The following CELF5 variants were observed in gnomAD, a reference collection of about 807,000 sequenced individuals.
CELF5 encodes the protein CUGBP Elav-like family member 5.
Under a neutral mutation model 54.9 loss-of-function variants are expected in CELF5, and 6 were observed. That is an observed-to-expected ratio of 0.11 (90% CI 0.06 to 0.22). CELF5 has a LOEUF of 0.22. CELF5 is among the 10% of genes least tolerant of loss of function. The probability of loss-of-function intolerance (pLI) is 1.00; values close to 1 mark genes in which losing one functional copy is unlikely to be tolerated. For synonymous variants in CELF5, 271 were observed against 290.9 expected (o/e 0.93, Z 0.70); for missense variants, 401 against 678.6 (o/e 0.59, Z 4.54).
chr19:3,231,299 T>C (rs1461717331), intron 1 of CELF5, among the ~76,000 whole-genome samples: 1 of 152,054 alleles, frequency 6.6e-6, no homozygotes, highest in Non-Finnish European at 1.5e-5. Context: ...GGCTAACAGA[T>C]GGATGGAGAG....
In CELF5 at chr19:3,282,487, T is replaced by C. The variant is rs1380258287; in HGVS notation, c.1028T>C (p.Val343Ala). ...GAAACCGTCTATGCCAATGGCCTTG[T>C]GCCCTACCCAGGTAAATTGGGGTCG... ...ALETVYANGL[V>A]PYPAQSPTVA... The change falls in exon 8 of 13, where the codon GTG (valine) becomes GCG (alanine). Residue 343 changes from valine to alanine, a missense_variant. Around this residue, in one of 6 missense-constraint regions of CELF5, gnomAD observed 143 missense variants for 147.6 expected, o/e 0.97. Coordinates refer to ENST00000292672, the MANE Select transcript of CELF5 (RefSeq NM_021938.4). The surrounding 1 kb of genome is among the most constrained non-coding windows in gnomAD (Gnocchi z 5.2). 1.4e-5 allele frequency: 22 copies of C among 1,612,402 alleles called. No homozygotes were observed. The highest frequency in any genetic ancestry group is 1.9e-5 in the Non-Finnish European group (22 of 1,179,404).
intron 2 of CELF5, among the ~76,000 whole-genome samples, chr19:3,254,382 C>T (rs1229677483): frequency 6.6e-6 from 1 of 152,036 alleles, no homozygotes; most frequent in African/African-American, 2.4e-5. Context: ...ACTCATCCAC[C>T]TACCCACCCA....
At chr19:3,285,918 T>G in intron 9 of CELF5, 24 bp from the exon 10 acceptor site, 1 of 1,379,610 alleles carries the variant, frequency 7.2e-7, no homozygotes, top group Non-Finnish European at 9.5e-7. Flanking sequence ...CTCCTCGCCC[T>G]GTGTCTCGCT....
Position 3,282,394 on chromosome 19 carries a change from G to T in CELF5, c.935G>T (p.Gly312Val). ...CTGCTGGGCACCACCGCTGTGCCTG[G>T]CCTCGTGGCTCCCATCACCAATGGC... ...PPLLGTTAVPGLVAPITNGFA... is the reference protein window; with the variant it reads ...PPLLGTTAVPVLVAPITNGFA... Residue 312 changes from glycine to valine, a missense_variant, in exon 8 of 13, where the codon GGC becomes GTC. By Grantham distance (109) the Gly-to-Val change is moderately radical. Transcript: ENST00000292672. This position sits in a 1 kb window ranked among gnomAD's most constrained non-coding sequence, Gnocchi z 5.2. 6.2e-7 allele frequency: 1 copy of T among 1,611,982 alleles called. No homozygotes were observed.
At chr19:3,225,738 G>A (rs1390365068) in intron 1 of CELF5, 14 of 226,912 alleles carry the variant, frequency 6.2e-5, no homozygotes, top group Non-Finnish European at 1.0e-4. Context: ...CCACCTCCGC[G>A]TGGATCAGCA....
chr19:3,254,093 C>G (rs935350662), intron 2 of CELF5, among the ~76,000 whole-genome samples: 6 of 152,120 alleles, frequency 3.9e-5, no homozygotes, highest in Non-Finnish European at 8.8e-5. Flanking sequence ...CCAAGAGCCA[C>G]GAAACCTCAT....
At chr19:3,288,342 C>T (rs893334245) in intron 10 of CELF5, among the ~76,000 whole-genome samples, 23 of 148,902 alleles carry the variant, frequency 1.5e-4, no homozygotes, top group African/African-American at 4.7e-4. Context: ...GACAACATGG[C>T]GAAACCCTGT....
chr19:3,264,741 GACTCTT>G (rs1164000912), intron 2 of CELF5, among the ~76,000 whole-genome samples: 1 of 139,764 alleles, frequency 7.2e-6, no homozygotes, highest in Non-Finnish European at 1.5e-5. Flanking sequence ...TTTTGAGACA[GACTCTT>G]ACTCTGTCAC....
At chr19:3,260,165 G>A (rs984700436) in intron 2 of CELF5, among the ~76,000 whole-genome samples, 3 of 151,974 alleles carry the variant, frequency 2.0e-5, no homozygotes, top group African/African-American at 7.2e-5. Flanking sequence ...CACCCAGGCC[G>A]GAGTGCAGGG....
At chr19:3,271,196 A>AAGGGGGGGGGGGGGGGGG (rs2079957421) in intron 2 of CELF5, among the ~76,000 whole-genome samples, 1 of 4,166 alleles carries the variant, frequency 2.4e-4, no homozygotes, top group Admixed American at 1.9e-3. Flanking sequence ...GTGGGGTGGG[A>AAGGGGGGGGGGGGGGGGG]GGGGTGGGGG....
intron 5 of CELF5, among the ~76,000 whole-genome samples, chr19:3,280,669 C>T (rs962554729): frequency 1.3e-5 from 2 of 152,192 alleles, no homozygotes; most frequent in African/African-American, 2.4e-5. Context: ...CGCCTTGTTC[C>T]TCTCCTGTGG....
rs1917053996 is a variant in CELF5 at position 3,228,497 on chromosome 19, C to T, written c.259+3499C>T. ...CCACCCTGCCAGGGGAAGGTGCCCACGGTGGTACTGGTCCGCCGCTGCCAC... is the reference window on the plus strand; with the variant it reads ...CCACCCTGCCAGGGGAAGGTGCCCATGGTGGTACTGGTCCGCCGCTGCCAC... On this transcript the variant is annotated intron_variant, in intron 1 of 12. Coordinates refer to ENST00000292672, the MANE Select transcript of CELF5 (RefSeq NM_021938.4). The surrounding 1 kb of genome is among the most constrained non-coding windows in gnomAD (Gnocchi z 6.0). 6.6e-6 allele frequency among the ~76,000 whole-genome samples: 1 copy of T among 152,168 alleles called. No individual in the cohort carries two copies. Among genetic ancestry groups the T allele is most frequent in the East Asian group, 1.9e-4 (1 of 5,190 alleles).
At chr19:3,232,283 G>A (rs887247727) in intron 1 of CELF5, among the ~76,000 whole-genome samples, 4 of 152,178 alleles carry the variant, frequency 2.6e-5, no homozygotes, top group African/African-American at 7.2e-5. Flanking sequence ...GGCCAGGCGT[G>A]GTAGCTCACA....
At chr19:3,239,297 A>G (rs2079458605) in intron 1 of CELF5, among the ~76,000 whole-genome samples, 1 of 151,290 alleles carries the variant, frequency 6.6e-6, no homozygotes, top group Admixed American at 6.6e-5. Context: ...ACAAAGTCTC[A>G]CTACATTGCC....
At chr19:3,246,294 G>GCA in intron 1 of CELF5, among the ~76,000 whole-genome samples, 1 of 152,110 alleles carries the variant, frequency 6.6e-6, no homozygotes, top group African/African-American at 2.4e-5. Flanking sequence ...AACCCAGGAG[G>GCA]GGAAGGTTGC....
At chr19:3,276,748 G>T (rs998694126) in intron 4 of CELF5, among the ~76,000 whole-genome samples, 1 of 150,808 alleles carries the variant, frequency 6.6e-6, no homozygotes, top group Non-Finnish European at 1.5e-5. Context: ...CTTCTCCAGG[G>T]GCTGCTTATG....
chr19:3,290,495 C>G (rs2080325390), intron 11 of CELF5, 121 bp downstream of exon 11: 17 of 1,104,892 alleles, frequency 1.5e-5, no homozygotes, highest in Non-Finnish European at 2.3e-5. Context: ...CAATCAGAAC[C>G]AGCCTGTGGC....
chr19:3,282,373 T>G lies in CELF5; in HGVS notation c.914T>G (p.Leu305Arg), dbSNP rs966329507. 1 of 1,610,556 alleles carries G rather than the reference T, an allele frequency of 6.2e-7. No individual in the cohort carries two copies. Among genetic ancestry groups the G allele is most frequent in the African/African-American group, 1.3e-5 (1 of 74,942 alleles). Residue 305 changes from leucine (L) to arginine (R), a missense_variant, in exon 8 of 13, where the codon CTG becomes CGG. Coordinates refer to ENST00000292672, the MANE Select transcript of CELF5 (RefSeq NM_021938.4). The surrounding 1 kb of genome is among the most constrained non-coding windows in gnomAD (Gnocchi z 5.2). The part of the protein sequence containing the change: ...PASGLHSPPL[L>R]GTTAVPGLVA... ...GCAGGGCTGCACTCACCCCCGCTGC[T>G]GGGCACCACCGCTGTGCCTGGCCTC...
chr19:3,259,024 C>T (rs900214189), intron 2 of CELF5, among the ~76,000 whole-genome samples: 1 of 152,120 alleles, frequency 6.6e-6, no homozygotes, highest in African/African-American at 2.4e-5. Context: ...AGCAGGCAGC[C>T]TGCGTGGACG....
Sources: allele counts gnomAD v4.1 joint callset (sites outside exome capture counted in the v4.1 genomes callset), GRCh38; gene constraint gnomAD v4.1.1; regional missense constraint gnomAD v4.1.1; non-coding constraint Gnocchi (gnomAD v3.1); transcripts MANE v1.5; gene names NCBI Gene and HGNC (gene_info 2026-07-23, HGNC 2026-07-21).